The following GABRB2 variants were observed in gnomAD, a reference collection of about 807,000 sequenced individuals.
GABRB2 encodes gamma-aminobutyric acid receptor subunit beta-2.
GABRB2 carries 16 observed loss-of-function variants against 54.7 expected under a neutral mutation model. The observed-to-expected ratio is 0.29, with a 90% CI of 0.20 to 0.44. GABRB2 has a LOEUF of 0.44. GABRB2 is among the 20% of genes least tolerant of loss of function. GABRB2 has a pLI of 1.00. For missense variants in GABRB2, 355 were observed against 644.0 expected, an observed-to-expected ratio of 0.55 and a Z score of 4.86; for synonymous variants, 244 against 233.8, an observed-to-expected ratio of 1.04 and a Z score of -0.40.
intron 4 of GABRB2, among the ~76,000 whole-genome samples, chr5:161,451,620 C>T (rs1757789919): frequency 6.6e-6 from 1 of 152,086 alleles, no homozygotes; most frequent in African/African-American, 2.4e-5. Context: ...AATAGTCCAT[C>T]TTATATAAAA....
chr5:161,491,768 T>C (rs1056416899), intron 3 of GABRB2, among the ~76,000 whole-genome samples: 10 of 151,664 alleles, frequency 6.6e-5, no homozygotes, highest in African/African-American at 2.4e-4. Flanking sequence ...AGATTATGTC[T>C]TAGAGCAAAT....
chr5:161,402,187 A>G (rs986028732), intron 5 of GABRB2, among the ~76,000 whole-genome samples: 3 of 152,068 alleles, frequency 2.0e-5, no homozygotes, highest in African/African-American at 7.2e-5. Context: ...AACACGATAG[A>G]AATAATTTAT....
chr5:161,512,150 T>C (rs1399124268), intron 3 of GABRB2, among the ~76,000 whole-genome samples: 1 of 152,044 alleles, frequency 6.6e-6, no homozygotes, highest in Non-Finnish European at 1.5e-5. Context: ...CTACTTAAAA[T>C]GGCCATACTG....
At chr5:161,355,920 T>G (rs957592620) in intron 5 of GABRB2, among the ~76,000 whole-genome samples, 4 of 152,166 alleles carry the variant, frequency 2.6e-5, no homozygotes, top group African/African-American at 9.7e-5. Context: ...AAAAATATCT[T>G]ACTCAAGAAC....
At chr5:161,295,060 T>C (rs1757345079) in intron 9 of GABRB2, among the ~76,000 whole-genome samples, 1 of 152,184 alleles carries the variant, frequency 6.6e-6, no homozygotes, top group South Asian at 2.1e-4. Flanking sequence ...GCAGGACATA[T>C]GTGACTTGCC....
chr5:161,334,471 CT>C (rs1406687485), intron 7 of GABRB2, among the ~76,000 whole-genome samples: 1 of 152,168 alleles, frequency 6.6e-6, no homozygotes, highest in East Asian at 1.9e-4. Flanking sequence ...GCAAGCAATA[CT>C]ATATGAAATA....
At chr5:161,372,277 T>C (rs970282743) in intron 5 of GABRB2, among the ~76,000 whole-genome samples, 1 of 152,196 alleles carries the variant, frequency 6.6e-6, no homozygotes, top group Non-Finnish European at 1.5e-5. Context: ...GCTGCATCCC[T>C]GAAAAGGATG....
Position 161,546,350 on chromosome 5 carries a change from A to G in GABRB2, c.141T>C (p.Tyr47=), listed in dbSNP as rs909433122. The change falls in exon 2 of 10, where the codon TAT becomes TAC. Residue 47 remains tyrosine, a synonymous_variant. Coordinates refer to ENST00000393959, the MANE Select transcript of GABRB2 (RefSeq NM_001371727.1). ...CAAAATCTGGTCTCAGACGAATGTC[A>G]TAGCCTTTCAGGAGTCTATCCACCG... ...KETVDRLLKG[Y]DIRLRPDFGG... The G allele has an allele frequency of 1.5e-5, 24 of 1,614,094 alleles. No individual in the cohort carries two copies. The highest frequency in any genetic ancestry group is 2.0e-5 in the Non-Finnish European group (24 of 1,180,030).
chr5:161,530,137 C>A (rs189884000), intron 3 of GABRB2, among the ~76,000 whole-genome samples: 66 of 152,160 alleles, frequency 4.3e-4, no homozygotes, highest in South Asian at 3.9e-3. Flanking sequence ...GTGCACTATG[C>A]ACTAAAACAA....
intron 3 of GABRB2, among the ~76,000 whole-genome samples, chr5:161,492,683 G>A (rs965358048): frequency 4.0e-5 from 6 of 151,374 alleles, no homozygotes; most frequent in Admixed American, 1.3e-4. Flanking sequence ...AGTATACAAC[G>A]TAAAAAGGAA....
chr5:161,481,535 G>A (rs1488657325), intron 3 of GABRB2, among the ~76,000 whole-genome samples: 3 of 151,976 alleles, frequency 2.0e-5, no homozygotes, highest in Admixed American at 1.3e-4. Context: ...TCCATACATG[G>A]CACAAATATC....
intron 9 of GABRB2, among the ~76,000 whole-genome samples, chr5:161,297,674 G>A (rs1254951774): frequency 6.6e-6 from 1 of 152,008 alleles, no homozygotes; most frequent in Non-Finnish European, 1.5e-5. Flanking sequence ...TCTTTATCAA[G>A]TCTATCATTG....
chr5:161,486,812 T>C (rs1383248483), intron 3 of GABRB2, among the ~76,000 whole-genome samples: 1 of 151,954 alleles, frequency 6.6e-6, no homozygotes, highest in African/African-American at 2.4e-5. Context: ...TCTTCTGTTT[T>C]CCAAATGCCA....
intron 9 of GABRB2, among the ~76,000 whole-genome samples, chr5:161,298,161 T>C (rs1757437454): frequency 6.6e-6 from 1 of 152,202 alleles, no homozygotes; most frequent in Non-Finnish European, 1.5e-5. Context: ...AAGTTCCTTA[T>C]AGATTCTGGA....
chr5:161,360,574 T>C (rs1044303995), intron 5 of GABRB2, among the ~76,000 whole-genome samples: 1 of 152,190 alleles, frequency 6.6e-6, no homozygotes, highest in Non-Finnish European at 1.5e-5. Flanking sequence ...TAAAGCCTTG[T>C]CCATTCTCAG....
At chr5:161,350,003 A>C (rs1754427002) in intron 5 of GABRB2, among the ~76,000 whole-genome samples, 1 of 152,114 alleles carries the variant, frequency 6.6e-6, no homozygotes. Context: ...AAGTAAATAA[A>C]TAACAAACCT....
chr5:161,503,389 C>T (rs1759506869), intron 3 of GABRB2, among the ~76,000 whole-genome samples: 2 of 151,780 alleles, frequency 1.3e-5, no homozygotes, highest in Admixed American at 1.3e-4. Flanking sequence ...ACACTTAGGA[C>T]AAATGGAAAA....
chr5:161,310,699 AG>A (rs1403099047), intron 9 of GABRB2, among the ~76,000 whole-genome samples: 1 of 149,988 alleles, frequency 6.7e-6, no homozygotes, highest in African/African-American at 2.5e-5. Context: ...ACACACACAC[AG>A]ATTTTTTAAT....
chr5:161,371,277 C>T (rs979249281), intron 5 of GABRB2, among the ~76,000 whole-genome samples: 1 of 152,102 alleles, frequency 6.6e-6, no homozygotes, highest in Non-Finnish European at 1.5e-5. Context: ...AAAATAATGA[C>T]TAATTGTTTA....
Sources: gnomAD v4.1 joint callset for allele counts (sites outside exome capture counted in the v4.1 genomes callset) on GRCh38, gnomAD v4.1.1 for gene constraint, MANE v1.5 for transcripts, NCBI Gene and HGNC (gene_info 2026-07-23, HGNC 2026-07-21) for gene names.